The following STK31 variants were observed in gnomAD, a reference collection of about 807,000 sequenced individuals.
STK31 encodes the protein serine/threonine-protein kinase 31.
STK31 carries 89 observed loss-of-function variants against 129.7 expected under a neutral mutation model. That is an observed-to-expected ratio of 0.69 (90% CI 0.58 to 0.82). The LOEUF is 0.82. Among genes scored for constraint, STK31 ranks in the 40% least tolerant of loss-of-function variants. The probability of loss-of-function intolerance (pLI) is 0.00; values close to 1 mark genes in which losing one functional copy is unlikely to be tolerated. For missense variants in STK31, 1,187 were observed against 1,176.4 expected, an observed-to-expected ratio of 1.01 and a Z score of -0.13; for synonymous variants, 448 against 395.3, an observed-to-expected ratio of 1.13 and a Z score of -1.58.
chr7:23,821,712 A>G (rs995274229), intron 23 of STK31, among the ~76,000 whole-genome samples: 4 of 152,304 alleles, frequency 2.6e-5, no homozygotes, highest in Middle Eastern at 3.4e-3. Context: ...GGTCTTAGCC[A>G]TAAAAATCTT....
At chr7:23,797,408 G>GCAAACAA (rs1287573789) in intron 22 of STK31, among the ~76,000 whole-genome samples, 47 of 148,048 alleles carry the variant, frequency 3.2e-4, no homozygotes, top group African/African-American at 1.1e-3. Flanking sequence ...AAATCTTAAT[G>GCAAACAA]GTCTCTCAGA....
At chr7:23,813,098 T>TG (rs1554297831) in intron 22 of STK31, among the ~76,000 whole-genome samples, 84 of 147,960 alleles carry the variant, frequency 5.7e-4, no homozygotes, top group African/African-American at 1.8e-3. Flanking sequence ...TTTTTTTTTT[T>TG]GTCTGTTTTC....
intron 22 of STK31, among the ~76,000 whole-genome samples, chr7:23,799,788 A>C (rs1346211523): frequency 2.0e-5 from 3 of 152,200 alleles, no homozygotes; most frequent in Non-Finnish European, 4.4e-5. Context: ...TGAACACATC[A>C]GAGTGAACAG....
intron 23 of STK31, among the ~76,000 whole-genome samples, chr7:23,821,719 T>C (rs1181365932): frequency 6.6e-6 from 1 of 152,202 alleles, no homozygotes; most frequent in Non-Finnish European, 1.5e-5. Context: ...GCCATAAAAA[T>C]CTTTGCCTAG....
chr7:23,711,885 G>C (rs1434279284), intron 1 of STK31, among the ~76,000 whole-genome samples: 2 of 152,126 alleles, frequency 1.3e-5, no homozygotes, highest in African/African-American at 4.8e-5. Flanking sequence ...TAATTTTAAG[G>C]ATAGAGATTA....
At chr7:23,724,233 C>T (rs912833289) in intron 4 of STK31, among the ~76,000 whole-genome samples, 1 of 152,162 alleles carries the variant, frequency 6.6e-6, no homozygotes. Context: ...GAACTTCATA[C>T]ATTGTTTGTG....
At chr7:23,727,143 T>G in intron 4 of STK31, 98 bp from the exon 5 acceptor site, 1 of 907,698 alleles carries the variant, frequency 1.1e-6, no homozygotes, top group Middle Eastern at 2.8e-4. Flanking sequence ...TATAAAGTAC[T>G]TATTGACATA....
intron 22 of STK31, among the ~76,000 whole-genome samples, chr7:23,813,771 G>C (rs868487264): frequency 6.6e-6 from 1 of 152,144 alleles, no homozygotes. Flanking sequence ...CTTGAGCTGG[G>C]TGCTAGTTGT....
intron 10 of STK31, among the ~76,000 whole-genome samples, chr7:23,757,503 A>G (rs1789167334): frequency 6.6e-6 from 1 of 152,144 alleles, no homozygotes; most frequent in Admixed American, 6.5e-5. Context: ...GTCATAAACA[A>G]GGTTAGAAAA....
chr7:23,832,263 A>G lies in STK31; in HGVS notation c.2957A>G (p.Asp986Gly). Residue 986 changes from aspartate (D) to glycine (G), a missense_variant, in exon 24 of 24, where the codon GAT becomes GGT. Asp to Gly is a moderately conservative substitution (Grantham distance 94, BLOSUM62 -1). This residue lies in a region of STK31 where 975 missense variants were observed against 934.9 expected (regional missense o/e 1.04). Transcript: ENST00000355870. ...KEQSVPNPEKDTEYTLYKKEE... is the reference protein window; with the variant it reads ...KEQSVPNPEKGTEYTLYKKEE... ...CAATCAGTTCCAAACCCAGAAAAAG[A>G]TACTGAATACACCCTATATAAAAAG... 1 of 1,614,018 alleles carries G rather than the reference A, an allele frequency of 6.2e-7. No homozygotes were observed.
chr7:23,781,363 AAAG>A lies in STK31; in HGVS notation c.1966-51_1966-49del. 10 of 1,333,934 alleles carry A rather than the reference AAAG, an allele frequency of 7.5e-6. No individual in the cohort carries two copies. The South Asian group carries it at 1.0e-4, about 14-fold the overall frequency. The allele number at this position is 1,333,934 out of a possible 1,614,324, so 82.6% of individuals were successfully genotyped here. ...ATTTACTATAGAACTTGAATTCTTA[AAAG>A]AAGACTTGTTTTCTCTATGTTAATA... On this transcript the variant is annotated intron_variant, in intron 15 of 23. Transcript: ENST00000355870.
chr7:23,801,415 G>A (rs1435688712), intron 22 of STK31, among the ~76,000 whole-genome samples: 1 of 151,584 alleles, frequency 6.6e-6, no homozygotes, highest in Non-Finnish European at 1.5e-5. Context: ...GTAGAGTTTT[G>A]GGCATTCATA....
At chr7:23,720,142 A>G (rs1786604160) in intron 4 of STK31, among the ~76,000 whole-genome samples, 1 of 152,192 alleles carries the variant, frequency 6.6e-6, no homozygotes, top group South Asian at 2.1e-4. Context: ...TAAGTACAAA[A>G]TGAAAGCCAT....
At chr7:23,720,226 C>T (rs111953768) in intron 4 of STK31, among the ~76,000 whole-genome samples, 40 of 152,130 alleles carry the variant, frequency 2.6e-4, no homozygotes, top group Non-Finnish European at 5.3e-4. Context: ...CCAAAGATTA[C>T]GATATGTTTC....
intron 14 of STK31, chr7:23,771,402 G>A: frequency 4.8e-6 from 1 of 207,266 alleles, no homozygotes; most frequent in Non-Finnish European, 9.5e-6. Context: ...AGAAAGATAA[G>A]AAATAAAACA....
intron 3 of STK31, among the ~76,000 whole-genome samples, chr7:23,713,419 C>T (rs1009447320): frequency 3.3e-5 from 5 of 152,122 alleles, no homozygotes; most frequent in African/African-American, 9.7e-5. Flanking sequence ...CATTACTGTA[C>T]ACTACTGTAT....
chr7:23,791,787 G>T (rs1325059332), intron 22 of STK31, among the ~76,000 whole-genome samples: 1 of 152,178 alleles, frequency 6.6e-6, no homozygotes, highest in Non-Finnish European at 1.5e-5. Context: ...GAGGGATTAA[G>T]TATTAAGAGA....
At chr7:23,801,415 G>T (rs1435688712) in intron 22 of STK31, among the ~76,000 whole-genome samples, 1 of 151,582 alleles carries the variant, frequency 6.6e-6, no homozygotes, top group Non-Finnish European at 1.5e-5. Flanking sequence ...GTAGAGTTTT[G>T]GGCATTCATA....
intron 21 of STK31, among the ~76,000 whole-genome samples, chr7:23,789,442 T>C (rs1300402500): frequency 1.3e-5 from 2 of 152,254 alleles, no homozygotes; most frequent in East Asian, 3.9e-4. Flanking sequence ...ATATTTTTTA[T>C]TATCTGAGCA....
Sources: gnomAD v4.1 joint callset for allele counts (sites outside exome capture counted in the v4.1 genomes callset) on GRCh38, gnomAD v4.1.1 for gene constraint, gnomAD v4.1.1 regional missense constraint, MANE v1.5 for transcripts, NCBI Gene and HGNC (gene_info 2026-07-23, HGNC 2026-07-21) for gene names.